The following MTUS2 variants were observed in gnomAD, a reference collection of about 807,000 sequenced individuals.
MTUS2 encodes microtubule-associated tumor suppressor candidate 2.
In MTUS2, 40 loss-of-function variants were observed where a neutral mutation model predicts 114.1. The ratio of observed to expected loss-of-function variants is 0.35; its 90% confidence interval spans 0.27 to 0.46. MTUS2 has a LOEUF of 0.46. Among genes scored for constraint, MTUS2 ranks in the 20% least tolerant of loss-of-function variants. The pLI, the probability that MTUS2 is intolerant of heterozygous loss-of-function variation, is 1.00. For synonymous variants in MTUS2, 688 were observed against 672.0 expected (o/e 1.02, Z -0.37); for missense variants, 1,679 against 1,705.4 (o/e 0.98, Z 0.27).
chr13:29,474,977 A>G (rs771149786), intron 9 of MTUS2, among the ~76,000 whole-genome samples: 1 of 152,190 alleles, frequency 6.6e-6, no homozygotes, highest in East Asian at 1.9e-4. Flanking sequence ...ATTTTTTCCC[A>G]TGCAAAACAG....
rs569970905 is a variant in MTUS2, at chr13:29,493,063, G to A, written c.3579+344G>A. ...CAAAGCAAGAGGAGGACTGGGGGAA[G>A]AGAGTGTTCTAGGCAGGGGTAACGG... On this transcript the variant is annotated intron_variant, in intron 12 of 15. Transcript: ENST00000612955. 4.9e-4 allele frequency among the ~76,000 whole-genome samples: 75 copies of A among 152,356 alleles called. 1 individual carries two copies. In the South Asian group the frequency reaches 0.014, roughly 29 times the overall value.
chr13:29,383,905 C>A (rs1188987093), intron 8 of MTUS2, among the ~76,000 whole-genome samples: 1 of 146,468 alleles, frequency 6.8e-6, no homozygotes, highest in African/African-American at 2.5e-5. Context: ...TAACTGTCCA[C>A]TTTTTCTCAG....
intron 9 of MTUS2, among the ~76,000 whole-genome samples, chr13:29,464,572 T>C (rs1253099506): frequency 6.6e-6 from 1 of 152,172 alleles, no homozygotes; most frequent in East Asian, 1.9e-4. Flanking sequence ...TCCTGAGTCC[T>C]GAGTATGGAG....
intron 5 of MTUS2, among the ~76,000 whole-genome samples, chr13:29,136,743 A>G (rs1891994032): frequency 6.6e-6 from 1 of 152,078 alleles, no homozygotes; most frequent in Non-Finnish European, 1.5e-5. Flanking sequence ...ATTCATATGT[A>G]TTTTTTGTAC....
At chr13:29,475,934 C>T (rs987795056) in intron 9 of MTUS2, among the ~76,000 whole-genome samples, 2 of 152,116 alleles carry the variant, frequency 1.3e-5, no homozygotes, top group East Asian at 1.9e-4. Flanking sequence ...ACAGTCATGT[C>T]GTAGGCCCTC....
chr13:29,073,143 A>G (rs1159663562), intron 4 of MTUS2, among the ~76,000 whole-genome samples: 1 of 152,152 alleles, frequency 6.6e-6, no homozygotes, highest in African/African-American at 2.4e-5. Flanking sequence ...ATGATACAAC[A>G]CGACCCAAAC....
Position 29,329,412 on chromosome 13 carries a change from A to G in MTUS2, c.2905+4701A>G, listed in dbSNP as rs528743724. 4.6e-5 allele frequency among the ~76,000 whole-genome samples: 7 copies of G among 151,438 alleles called. No homozygotes were observed. The East Asian group carries it at 9.8e-4, about 21-fold the overall frequency. On this transcript the variant is annotated intron_variant, in intron 7 of 15. Coordinates refer to ENST00000612955, the MANE Select transcript of MTUS2 (RefSeq NM_001033602.4). ...GGTATCTGGGTTTCTGTTCCTGTGT[A>G]AGTGTGCTGAGAATGATGGTTTCCA...
chr13:29,047,801 C>T (rs559877026), intron 4 of MTUS2, among the ~76,000 whole-genome samples: 3 of 152,286 alleles, frequency 2.0e-5, no homozygotes, highest in East Asian at 1.9e-4. Flanking sequence ...TGAGCCACCA[C>T]GCCTGGCCAG....
chr13:29,282,876 G>C (rs1898330559), intron 6 of MTUS2, among the ~76,000 whole-genome samples: 1 of 152,052 alleles, frequency 6.6e-6, no homozygotes, highest in Non-Finnish European at 1.5e-5. Context: ...CAATGGTAGG[G>C]CTCATTCTTT....
chr13:29,027,585 T>C (rs1346069281), intron 3 of MTUS2, among the ~76,000 whole-genome samples: 1 of 152,202 alleles, frequency 6.6e-6, no homozygotes, highest in Non-Finnish European at 1.5e-5. Flanking sequence ...GAAGTCTCGC[T>C]CTGTCGCCCA....
intron 5 of MTUS2, among the ~76,000 whole-genome samples, chr13:29,123,953 C>G (rs1891414922): frequency 6.6e-6 from 1 of 152,176 alleles, no homozygotes; most frequent in Non-Finnish European, 1.5e-5. Context: ...CTCTGTGACT[C>G]TAGTTGCTTA....
rs770473228 is a variant in MTUS2, at chr13:29,025,871, T to C, written c.1173T>C (p.Ser391=). 1.9e-6 allele frequency: 3 copies of C among 1,613,230 alleles called. No individual in the cohort carries two copies. The highest frequency in any genetic ancestry group is 2.5e-6 in the Non-Finnish European group (3 of 1,179,504). Residue 391 remains serine (S), a synonymous_variant, in exon 3 of 16, where the codon TCT becomes TCC. Coordinates refer to ENST00000612955, the MANE Select transcript of MTUS2 (RefSeq NM_001033602.4). ...GAGTCAACCCAGGGGAGCAGGATTC[T>C]CTCCACACCACCCCCAAACAGGGCT... ...KRGVNPGEQD[S]LHTTPKQGSA...
chr13:29,001,672 T>C (rs1399397801), intron 2 of MTUS2, among the ~76,000 whole-genome samples: 3 of 152,172 alleles, frequency 2.0e-5, no homozygotes, highest in Non-Finnish European at 4.4e-5. Flanking sequence ...AAAATGTCCA[T>C]ATCCCAGTCC....
At chr13:29,003,712 A>G (rs973362406) in intron 2 of MTUS2, among the ~76,000 whole-genome samples, 6 of 152,194 alleles carry the variant, frequency 3.9e-5, no homozygotes, top group Admixed American at 2.6e-4. Flanking sequence ...TTCTCAGGTC[A>G]CTTTGTGCAG....
Position 29,198,222 on chromosome 13 carries a change from A to G in MTUS2, c.2645-83482A>G, listed in dbSNP as rs548557649. The stretch of plus-strand genomic sequence containing the variant: ...GTTAAGGTCTTAGGTTTAAGTCTAT[A>G]ATCCATCTTGAGTTAATTTTTGTAT... On this transcript the variant is annotated intron_variant, in intron 5 of 15. Coordinates refer to ENST00000612955, the MANE Select transcript of MTUS2 (RefSeq NM_001033602.4). Among the ~76,000 whole-genome samples the G allele has an allele frequency of 2.6e-5, 4 of 152,312 alleles. No homozygotes were observed. The South Asian group carries it at 8.3e-4, about 32-fold the overall frequency.
At position 29,374,892 on chromosome 13, in the gene MTUS2, C is replaced by T. The variant is rs571960741; in HGVS notation, c.3117+15419C>T. Among the ~76,000 whole-genome samples, 62 of 152,236 alleles carry T rather than the reference C, an allele frequency of 4.1e-4. 1 individual carries two copies. The highest frequency in any genetic ancestry group is 1.4e-3 in the African/African-American group (60 of 41,528). ...AGTGAGCCGAGATCATGCCATTGCA[C>T]TCCAGCCTGGGTGACAAGAGTGAAA... On this transcript the variant is annotated intron_variant, in intron 8 of 15. Transcript: ENST00000612955.
intron 8 of MTUS2, among the ~76,000 whole-genome samples, chr13:29,417,600 A>G (rs1875760313): frequency 6.6e-6 from 1 of 152,136 alleles, no homozygotes; most frequent in African/African-American, 2.4e-5. Flanking sequence ...CTTGTAATTT[A>G]ATCTTCATTT....
intron 9 of MTUS2, 108 bp downstream of exon 9, chr13:29,440,157 C>A: frequency 9.4e-7 from 1 of 1,065,622 alleles, no homozygotes; most frequent in Non-Finnish European, 1.4e-6. Flanking sequence ...TGCAAACCTG[C>A]CTAGATGAAT....
chr13:29,490,307 T>A (rs931929950), intron 11 of MTUS2, among the ~76,000 whole-genome samples: 3 of 152,186 alleles, frequency 2.0e-5, no homozygotes, highest in African/African-American at 7.2e-5. Context: ...CCACAAAGTT[T>A]TTCCTAATTG....
Sources: gnomAD v4.1 joint callset for allele counts (sites outside exome capture counted in the v4.1 genomes callset) on GRCh38, gnomAD v4.1.1 for gene constraint, MANE v1.5 for transcripts, NCBI Gene and HGNC (gene_info 2026-07-23, HGNC 2026-07-21) for gene names.